The following DYDC2 variants were observed in gnomAD, a reference collection of about 807,000 sequenced individuals.
The protein encoded by DYDC2 is DPY30 domain-containing protein 2.
DYDC2 carries 19 observed loss-of-function variants against 18.7 expected under a neutral mutation model. The ratio of observed to expected loss-of-function variants is 1.02; its 90% CI spans 0.71 to 1.49. The LOEUF (loss-of-function observed/expected upper bound fraction) is 1.49, where lower values mean the gene tolerates loss of function less well. Among genes scored for constraint, DYDC2 ranks in the 40% most tolerant of loss-of-function variants. The pLI is 0.00. For missense variants in DYDC2, 179 were observed against 205.1 expected, an observed-to-expected ratio of 0.87 and a Z score of 0.78; for synonymous variants, 63 against 67.6, an observed-to-expected ratio of 0.93 and a Z score of 0.34.
chr10:80,349,186 C>T (rs1842843388), intron 1 of DYDC2, among the ~76,000 whole-genome samples: 2 of 152,204 alleles, frequency 1.3e-5, no homozygotes, highest in African/African-American at 2.4e-5. Flanking sequence ...CCACCGCGCC[C>T]GGCCCGCAGA....
chr10:80,362,469 G>C lies in DYDC2; in HGVS notation c.26G>C (p.Cys9Ser). 6.2e-7 allele frequency: 1 copy of C among 1,613,928 alleles called. No homozygotes were observed. The highest frequency in any genetic ancestry group is 8.5e-7 in the Non-Finnish European group (1 of 1,179,926). ...ATGGAAACTAACTACCTGAAGAGGTGCTTTGGAAATTGCCTGGCCCAGGCA... is the reference window on the plus strand; with the variant it reads ...ATGGAAACTAACTACCTGAAGAGGTCCTTTGGAAATTGCCTGGCCCAGGCA... Reference protein sequence around the residue: METNYLKRCFGNCLAQALA... With the variant: METNYLKRSFGNCLAQALA... Residue 9 changes from cysteine (C) to serine (S), a missense_variant, in exon 3 of 5, where the codon TGC becomes TCC. Physicochemically the swap from Cys to Ser is moderately radical, Grantham distance 112 (BLOSUM62 -1). Coordinates refer to ENST00000256039, the MANE Select transcript of DYDC2 (RefSeq NM_032372.6).
At chr10:80,350,238 T>C (rs1220083528) in intron 1 of DYDC2, among the ~76,000 whole-genome samples, 2 of 152,236 alleles carry the variant, frequency 1.3e-5, no homozygotes, top group African/African-American at 4.8e-5. Context: ...GTCAACATAA[T>C]ATGGCTAGAG....
chr10:80,358,069 G>C (rs1480426383), intron 2 of DYDC2, 24 bp downstream of exon 2: 1 of 985,418 alleles, frequency 1.0e-6, no homozygotes, highest in Non-Finnish European at 1.2e-6. Context: ...AAGTTGGTCT[G>C]AGTGGGCTTT....
At chr10:80,352,567 G>T, upstream of DYDC2, 8 of 1,611,146 alleles carry the variant, frequency 5.0e-6, no homozygotes, top group Non-Finnish European at 6.8e-6. Context: ...AGTTAAACAG[G>T]CCCCAAGGTG....
intron 2 of DYDC2, among the ~76,000 whole-genome samples, chr10:80,360,971 C>T (rs1445245283): frequency 6.6e-6 from 1 of 151,888 alleles, no homozygotes; most frequent in East Asian, 1.9e-4. Context: ...CAGGGTTTTG[C>T]CTTGTTGCCC....
chr10:80,360,313 C>A (rs975824673), intron 2 of DYDC2, among the ~76,000 whole-genome samples: 1 of 152,106 alleles, frequency 6.6e-6, no homozygotes. Flanking sequence ...TGGGGAGAAT[C>A]CATTTTCTTG....
At chr10:80,357,863 C>A in intron 1 of DYDC2, 30 bp from the exon 2 acceptor site, 1 of 985,558 alleles carries the variant, frequency 1.0e-6, no homozygotes, top group Admixed American at 6.1e-5. Context: ...GCAGAACTCT[C>A]TCAATGAATA....
At chr10:80,346,062 G>A (rs1367454940) in intron 1 of DYDC2, among the ~76,000 whole-genome samples, 1 of 152,122 alleles carries the variant, frequency 6.6e-6, no homozygotes, top group Non-Finnish European at 1.5e-5. Flanking sequence ...TGCCCAAGCT[G>A]GTCTCGAACT....
At chr10:80,356,181 G>C (rs1277771015), upstream of DYDC2, 1 of 934,364 alleles carries the variant, frequency 1.1e-6, no homozygotes, top group Admixed American at 6.2e-5. Flanking sequence ...AACTCCCTTA[G>C]CATGTTCCTG....
At chr10:80,366,614 CTG>C in intron 4 of DYDC2, 72 bp from the exon 5 acceptor site, 1 of 1,495,130 alleles carries the variant, frequency 6.7e-7, no homozygotes, top group Non-Finnish European at 9.0e-7. Flanking sequence ...AATAGCAATA[CTG>C]TGTTTTTGCC....
At chr10:80,348,934 C>G (rs1842824255) in intron 1 of DYDC2, among the ~76,000 whole-genome samples, 1 of 152,158 alleles carries the variant, frequency 6.6e-6, no homozygotes, top group Non-Finnish European at 1.5e-5. Flanking sequence ...CTCTGTCGCC[C>G]AGGCTGGACT....
chr10:80,362,946 C>A lies in DYDC2; in HGVS notation c.148-5C>A. The A allele has an allele frequency of 6.2e-7, 1 of 1,611,854 alleles. No individual in the cohort carries two copies. Among genetic ancestry groups the A allele is most frequent in the Non-Finnish European group, 8.5e-7 (1 of 1,179,078 alleles). On this transcript the variant is annotated splice_polypyrimidine_tract_variant and splice_region_variant and intron_variant, in intron 3 of 4. Transcript: ENST00000256039. Reference sequence around the variant, plus strand: ...ACCTGATTTGACTCTGTCACCTCACCCCAGAATAGGGAAAAGAAGATCCAC... The same window carrying A: ...ACCTGATTTGACTCTGTCACCTCACACCAGAATAGGGAAAAGAAGATCCAC...
chr10:80,364,213 T>C (rs898730573), intron 4 of DYDC2, among the ~76,000 whole-genome samples: 1 of 152,236 alleles, frequency 6.6e-6, no homozygotes, highest in African/African-American at 2.4e-5. Context: ...AATGTCCTCA[T>C]AAAGAATAGA....
intron 2 of DYDC2, among the ~76,000 whole-genome samples, chr10:80,361,266 A>C (rs78029190): frequency 0.022 from 3,309 of 152,236 alleles, 51 homozygotes; most frequent in Non-Finnish European, 0.031. Context: ...CATTTTAGGC[A>C]GGAATCCACG....
At chr10:80,348,794 T>C (rs1403620135) in intron 1 of DYDC2, among the ~76,000 whole-genome samples, 1 of 152,200 alleles carries the variant, frequency 6.6e-6, no homozygotes. Flanking sequence ...ATTTAAATTA[T>C]ACACACATAG....
intron 1 of DYDC2, among the ~76,000 whole-genome samples, chr10:80,346,829 C>T (rs1229297554): frequency 6.6e-6 from 1 of 151,904 alleles, no homozygotes; most frequent in Non-Finnish European, 1.5e-5. Flanking sequence ...AATCCTAACA[C>T]TTTGGGAGGC....
intron 1 of DYDC2, among the ~76,000 whole-genome samples, chr10:80,347,282 T>TCC (rs1842717324): frequency 3.8e-5 from 1 of 26,512 alleles, no homozygotes; most frequent in African/African-American, 2.0e-4. Context: ...GATCCTTTTT[T>TCC]TTTTTTTTTT....
intron 1 of DYDC2, among the ~76,000 whole-genome samples, chr10:80,349,415 A>G (rs1444318333): frequency 6.6e-6 from 1 of 152,216 alleles, no homozygotes; most frequent in African/African-American, 2.4e-5. Context: ...TAATGCCTTC[A>G]TAATATCATC....
intron 1 of DYDC2, among the ~76,000 whole-genome samples, chr10:80,346,152 A>T (rs891680616): frequency 6.6e-6 from 1 of 151,944 alleles, no homozygotes; most frequent in African/African-American, 2.4e-5. Flanking sequence ...TCAGCTCACA[A>T]TTTCTTTATC....
Sources: allele counts gnomAD v4.1 joint callset (sites outside exome capture counted in the v4.1 genomes callset), GRCh38; gene constraint gnomAD v4.1.1; transcripts MANE v1.5; gene names NCBI Gene and HGNC (gene_info 2026-07-23, HGNC 2026-07-21).